The following UBXN8 variants were observed in gnomAD, a reference collection of about 807,000 sequenced individuals.
The protein encoded by UBXN8 is UBX domain-containing protein 8.
Under a neutral mutation model 32.1 loss-of-function variants are expected in UBXN8, and 27 were observed. That is an observed-to-expected ratio of 0.84 (90% CI 0.62 to 1.16). UBXN8 has a LOEUF of 1.16. Among genes scored for constraint, UBXN8 ranks in the 50% most tolerant of loss-of-function variants. UBXN8 has a pLI of 0.00. For synonymous variants in UBXN8, 109 were observed against 111.8 expected, an observed-to-expected ratio of 0.98 and a Z score of 0.16; for missense variants, 306 against 311.4, an observed-to-expected ratio of 0.98 and a Z score of 0.13.
At chr8:30,753,488 C>T (rs941801106) in intron 3 of UBXN8, among the ~76,000 whole-genome samples, 3 of 152,086 alleles carry the variant, frequency 2.0e-5, no homozygotes, top group South Asian at 2.1e-4. Flanking sequence ...AACTCCTGAC[C>T]TCAGGTGATC....
chr8:30,758,963 G>A (rs1488791130), intron 5 of UBXN8, among the ~76,000 whole-genome samples: 1 of 140,678 alleles, frequency 7.1e-6, no homozygotes, highest in African/African-American at 2.7e-5. Context: ...GCGTGATCTC[G>A]GCTCACTGCA....
chr8:30,743,203 C>T (rs905876824), upstream of UBXN8, among the ~76,000 whole-genome samples: 1 of 138,682 alleles, frequency 7.2e-6, no homozygotes, highest in African/African-American at 2.7e-5. Flanking sequence ...GTCGCCCAGG[C>T]TGGAGTGCAG....
chr8:30,765,537 T>TAC (rs1026726939), intron 7 of UBXN8, among the ~76,000 whole-genome samples: 6 of 151,774 alleles, frequency 4.0e-5, no homozygotes, highest in African/African-American at 1.5e-4. Flanking sequence ...AAATTTTATA[T>TAC]ATATATATAT....
At chr8:30,751,904 T>G (rs1333253152) in intron 2 of UBXN8, among the ~76,000 whole-genome samples, 1 of 151,264 alleles carries the variant, frequency 6.6e-6, no homozygotes, top group Non-Finnish European at 1.5e-5. Context: ...CTTTTTTTTT[T>G]TTTTTTTTGA....
At position 30,763,318 on chromosome 8, in the gene UBXN8, A is replaced by G. The variant is rs1431093518; in HGVS notation, c.616A>G (p.Arg206Gly). 1.2e-6 allele frequency: 2 copies of G among 1,613,660 alleles called. No homozygotes were observed. The highest frequency in any genetic ancestry group is 2.7e-5 in the African/African-American group (2 of 74,910). The change falls in exon 7 of 8, where the codon AGA becomes GGA. Residue 206 changes from arginine to glycine, a missense_variant. By Grantham distance (125) the Arg-to-Gly change is moderately radical. Coordinates refer to ENST00000265616, the MANE Select transcript of UBXN8 (RefSeq NM_005671.4). ...ATGTCCCAGTGGGAATGTCCTGAGG[A>G]GAAGGTTTTTGAAGTCCTACAGCTC... ...LRCPSGNVLRRRFLKSYSSQV... is the reference protein window; with the variant it reads ...LRCPSGNVLRGRFLKSYSSQV...
intron 1 of UBXN8, among the ~76,000 whole-genome samples, chr8:30,748,863 CTTCT>C (rs1001992852): frequency 6.6e-6 from 1 of 152,116 alleles, no homozygotes; most frequent in African/African-American, 2.4e-5. Flanking sequence ...TTTCTGATTC[CTTCT>C]TTAAGTTTTA....
At chr8:30,757,919 C>T (rs189497593) in intron 5 of UBXN8, among the ~76,000 whole-genome samples, 1 of 151,372 alleles carries the variant, frequency 6.6e-6, no homozygotes, top group African/African-American at 2.4e-5. Context: ...CAGAGTCTCA[C>T]TCTGTCGCCC....
chr8:30,741,454 CTTTTTTTTT>C (rs565066061), upstream of UBXN8, among the ~76,000 whole-genome samples: 17 of 116,714 alleles, frequency 1.5e-4, no homozygotes, highest in African/African-American at 4.6e-4. Context: ...AAGCAATGTT[CTTTTTTTTT>C]TTTTTTTTTT....
At position 30,744,194 on chromosome 8, in the gene UBXN8, C is replaced by G; in HGVS notation, c.5C>G (p.Ala2Gly). The G allele has an allele frequency of 6.2e-7, 1 of 1,613,116 alleles. No homozygotes were observed. The highest frequency in any genetic ancestry group is 8.5e-7 in the Non-Finnish European group (1 of 1,179,574). ...GCACCAGGCGCTTCCGCCACCATGG[C>G]TTCACGTGGGGTTGTTGGCATTTTC... is the stretch of plus-strand genomic sequence containing the variant. M[A>G]SRGVVGIFFL... Residue 2 changes from alanine (A) to glycine (G), a missense_variant, in exon 1 of 8, where the codon GCT (alanine) becomes GGT (glycine). Coordinates refer to ENST00000265616, the MANE Select transcript of UBXN8 (RefSeq NM_005671.4).
chr8:30,738,389 G>A (rs184974657), intron 1 of UBXN8, among the ~76,000 whole-genome samples: 28 of 152,108 alleles, frequency 1.8e-4, no homozygotes, highest in Admixed American at 1.4e-3. Context: ...GGCCGTGTGC[G>A]GTGGCTCACG....
rs1237364769 is a variant in UBXN8, at chr8:30,744,347, C to T, written c.88+70C>T. On this transcript the variant is annotated intron_variant, in intron 1 of 7. Transcript: ENST00000265616. ...TCACAGGAATGTTGCATAGAACGACCGCCTCTTCGGCTGCGTGGCTTCGGA... is the reference window on the plus strand; with the variant it reads ...TCACAGGAATGTTGCATAGAACGACTGCCTCTTCGGCTGCGTGGCTTCGGA... 2.8e-5 allele frequency: 41 copies of T among 1,476,520 alleles called. No homozygotes were observed. The Admixed American group carries it at 6.7e-4, about 24-fold the overall frequency. The allele number at this position is 1,476,520 out of a possible 1,614,324, so 91.5% of individuals were successfully genotyped here.
chr8:30,760,846 G>T lies in UBXN8; in HGVS notation c.529-42G>T, dbSNP rs371776492. On this transcript the variant is annotated intron_variant, in intron 5 of 7. Coordinates refer to ENST00000265616, the MANE Select transcript of UBXN8 (RefSeq NM_005671.4). ...ACTCTTCTCATTGACACTTTTGCTTGTTGAACATGTTTACATTCCTCTTAC... is the reference window on the plus strand; with the variant it reads ...ACTCTTCTCATTGACACTTTTGCTTTTTGAACATGTTTACATTCCTCTTAC... 9.5e-6 allele frequency: 13 copies of T among 1,373,122 alleles called. No homozygotes were observed. The African/African-American group carries it at 1.7e-4, about 18-fold the overall frequency. The allele number at this position is 1,373,122 out of a possible 1,614,324, so 85.1% of individuals were successfully genotyped here.
intron 7 of UBXN8, 140 bp downstream of exon 7, chr8:30,763,487 C>T (rs1384529257): frequency 2.5e-6 from 2 of 808,606 alleles, no homozygotes; most frequent in Non-Finnish European, 3.9e-6. Context: ...TCCAGGTACT[C>T]CACGTTGCAG....
In UBXN8 at chr8:30,747,894, C is replaced by CTTTTTT. The variant is rs67334347; in HGVS notation, c.89-3483_89-3478dup. Among the ~76,000 whole-genome samples, 19 of 35,640 alleles carry CTTTTTT rather than the reference C, an allele frequency of 5.3e-4. 1 individual carries two copies. Among genetic ancestry groups the CTTTTTT allele is most frequent in the East Asian group, 8.1e-4 (1 of 1,232 alleles). 23.4% of individuals were successfully genotyped at this position (35,640 alleles called of 152,430 possible). A position where few individuals can be genotyped will look rare whatever the true frequency, so the allele number is the denominator to read the frequency against. ...TTTCTTTTTTTAATATATATTTTTT[C>CTTTTTT]TTTTTTTTTTTTTTTTTTTTTTTTG... On this transcript the variant is annotated intron_variant, in intron 1 of 7. Transcript: ENST00000265616.
Position 30,756,786 on chromosome 8 carries a change from A to T in UBXN8, c.427A>T (p.Thr143Ser). Residue 143 changes from threonine (T) to serine (S), a missense_variant, in exon 5 of 8, where the codon ACA becomes TCA. Coordinates refer to ENST00000265616, the MANE Select transcript of UBXN8 (RefSeq NM_005671.4). ...KLGGDEGTSQ[T>S]SFETSNREAA... is the part of the protein sequence containing the mutation. ...CCAGGGTGATGAAGGTACAAGTCAG[A>T]CATCTTTTGAAACATCAAACAGAGA... 1.2e-6 allele frequency: 2 copies of T among 1,614,064 alleles called. No homozygotes were observed. The highest frequency in any genetic ancestry group is 1.7e-6 in the Non-Finnish European group (2 of 1,179,908).
At position 30,748,366 on chromosome 8, in the gene UBXN8, T is replaced by C. The variant is rs1219699260; in HGVS notation, c.89-3030T>C. ...CTGTGGTCCCAGCTACTTGGGAGGC[T>C]GACATGGGACGACTGCTTGAGCCCT... On this transcript the variant is annotated intron_variant, in intron 1 of 7. Transcript: ENST00000265616. Among the ~76,000 whole-genome samples the C allele has an allele frequency of 1.6e-4, 24 of 151,380 alleles. No individual in the cohort carries two copies. In the Admixed American group the frequency reaches 1.6e-3, roughly 10 times the overall value.
At chr8:30,753,873 T>C (rs141985223) in intron 3 of UBXN8, among the ~76,000 whole-genome samples, 2,549 of 150,470 alleles carry the variant, frequency 0.017, 35 homozygotes, top group South Asian at 0.024. Context: ...CCTGGGTTCA[T>C]GGGATCTTCC....
chr8:30,733,267 C>T (rs1805008583), exon 1 of UBXN8: 1 of 152,250 alleles, frequency 6.6e-6, no homozygotes, highest in Admixed American at 6.5e-5. Flanking sequence ...GCTCAGAAAG[C>T]TGAACTCATT....
exon 1 of UBXN8, chr8:30,732,804 C>T (rs1482403031): frequency 6.6e-6 from 1 of 152,252 alleles, no homozygotes; most frequent in Non-Finnish European, 1.5e-5. Context: ...AGGATGGCCC[C>T]CATGTTTGAG....
Sources: allele counts gnomAD v4.1 joint callset (sites outside exome capture counted in the v4.1 genomes callset), GRCh38; gene constraint gnomAD v4.1.1; transcripts MANE v1.5; gene names NCBI Gene and HGNC (gene_info 2026-07-23, HGNC 2026-07-21).